RAP1GAP2: variants seen among roughly 807,000 people sequenced by gnomAD.
RAP1GAP2 encodes the protein rap1 GTPase-activating protein 2.
RAP1GAP2 carries 27 observed loss-of-function variants against 95.0 expected under a neutral mutation model. The observed-to-expected ratio is 0.28, with a 90% CI of 0.21 to 0.39. RAP1GAP2 has a LOEUF of 0.39. RAP1GAP2 is among the 10% of genes least tolerant of loss of function. The pLI is 1.00. For synonymous variants in RAP1GAP2, 373 were observed against 380.9 expected (o/e 0.98, Z 0.24); for missense variants, 771 against 970.0 (o/e 0.79, Z 2.72).
intron 3 of RAP1GAP2, among the ~76,000 whole-genome samples, chr17:2,957,153 A>AT (rs397954937): frequency 1.3e-5 from 2 of 150,730 alleles, no homozygotes; most frequent in African/African-American, 4.9e-5. Context: ...GAAAAAAAAA[A>AT]TCCCTCTAGG....
At chr17:2,876,585 A>T (rs914125196) in intron 2 of RAP1GAP2, among the ~76,000 whole-genome samples, 1 of 152,198 alleles carries the variant, frequency 6.6e-6, no homozygotes, top group African/African-American at 2.4e-5. Context: ...GCAGCCGTGG[A>T]GACCAAGGTT....
intron 4 of RAP1GAP2, among the ~76,000 whole-genome samples, chr17:2,959,649 A>T (rs1253944133): frequency 6.6e-6 from 1 of 152,216 alleles, no homozygotes; most frequent in Non-Finnish European, 1.5e-5. Flanking sequence ...TGAAACTGGA[A>T]TCCGGGATTC....
chr17:2,846,783 C>T (rs1384835481), intron 2 of RAP1GAP2, among the ~76,000 whole-genome samples: 3 of 152,132 alleles, frequency 2.0e-5, no homozygotes, highest in Non-Finnish European at 2.9e-5. Context: ...GGATTCTAAC[C>T]CAGGTTCGTC....
chr17:2,760,234 AGT>A (rs1335589866), intron 1 of RAP1GAP2, among the ~76,000 whole-genome samples: 1 of 127,870 alleles, frequency 7.8e-6, no homozygotes, highest in Non-Finnish European at 1.6e-5. Flanking sequence ...CGGAGCTTGC[AGT>A]GAGTTGAGAT....
Position 2,866,225 on chromosome 17 carries a change from T to TA in RAP1GAP2, c.81-39052dup, listed in dbSNP as rs533740882. Among the ~76,000 whole-genome samples the TA allele has an allele frequency of 1.7e-3, 252 of 152,232 alleles. No individual in the cohort carries two copies. The highest frequency in any genetic ancestry group is 5.8e-3 in the African/African-American group (241 of 41,544). Reference sequence around the variant, plus strand: ...GACAGTGGAAGACAAGGGGCCAAGATAAAAAAACAGGGGCCCGCTCAGATC... The same window carrying TA: ...GACAGTGGAAGACAAGGGGCCAAGATAAAAAAAACAGGGGCCCGCTCAGATC... On this transcript the variant is annotated intron_variant, in intron 2 of 24. Transcript: ENST00000254695. The surrounding 1 kb of genome is among the most constrained non-coding windows in gnomAD (Gnocchi z 4.0).
rs917110642 is a variant in RAP1GAP2 at position 2,871,930 on chromosome 17, A to G, written c.81-33354A>G. 6.6e-6 allele frequency among the ~76,000 whole-genome samples: 1 copy of G among 152,150 alleles called. No homozygotes were observed. The highest frequency in any genetic ancestry group is 1.5e-5 in the Non-Finnish European group (1 of 68,024). ...TCATACCATGGACTAACTACTTAAA[A>G]TAGAATGATGAGGCCAGGCGTGGTG... On this transcript the variant is annotated intron_variant, in intron 2 of 24. Coordinates refer to ENST00000254695, the MANE Select transcript of RAP1GAP2 (RefSeq NM_015085.5). This position sits in a 1 kb window ranked among gnomAD's most constrained non-coding sequence, Gnocchi z 5.0.
Position 2,778,434 on chromosome 17 carries a change from C to T in RAP1GAP2, c.-14+1156C>T, listed in dbSNP as rs76795141. ...CTGGTCTAAGTGGGACTGCTCAGCT[C>T]AGCATGTTGAGGCAATTTGGTGGGA... On this transcript the variant is annotated intron_variant, in intron 1 of 24. Transcript: ENST00000540393. Among the ~76,000 whole-genome samples, 1,000 of 152,220 alleles carry T rather than the reference C, an allele frequency of 6.6e-3. 9 individuals carry two copies. Among genetic ancestry groups the T allele is most frequent in the African/African-American group, 0.022 (920 of 41,532 alleles).
intron 17 of RAP1GAP2, among the ~76,000 whole-genome samples, 180 bp from the exon 18 acceptor site, chr17:3,017,881 T>C (rs1263247922): frequency 6.6e-6 from 1 of 152,108 alleles, no homozygotes; most frequent in Non-Finnish European, 1.5e-5. Flanking sequence ...AAACATCCTC[T>C]GTAAGCTGGA....
intron 2 of RAP1GAP2, among the ~76,000 whole-genome samples, chr17:2,860,466 C>G (rs1329480601): frequency 6.6e-6 from 1 of 152,016 alleles, no homozygotes; most frequent in Non-Finnish European, 1.5e-5. Flanking sequence ...CCTGCTTGGT[C>G]TCCTGGCTTC....
intron 2 of RAP1GAP2, among the ~76,000 whole-genome samples, chr17:2,905,008 A>G (rs1473096121): frequency 6.6e-6 from 1 of 152,002 alleles, no homozygotes; most frequent in African/African-American, 2.4e-5. Flanking sequence ...CAGTCTCTCT[A>G]GTAGCTGGGA....
chr17:3,010,080 G>A (rs943895633), intron 17 of RAP1GAP2, among the ~76,000 whole-genome samples: 10 of 152,166 alleles, frequency 6.6e-5, no homozygotes, highest in African/African-American at 2.2e-4. Flanking sequence ...CGTGCCTCAC[G>A]CCTGTAATCC....
chr17:3,009,593 G>A (rs2046445915), intron 17 of RAP1GAP2, among the ~76,000 whole-genome samples: 1 of 152,172 alleles, frequency 6.6e-6, no homozygotes, highest in Non-Finnish European at 1.5e-5. Flanking sequence ...CAGGCCTGGG[G>A]TCAGTCCCCC....
chr17:2,786,309 C>G (rs1480935346), intron 1 of RAP1GAP2, among the ~76,000 whole-genome samples: 1 of 152,248 alleles, frequency 6.6e-6, no homozygotes, highest in Non-Finnish European at 1.5e-5. Flanking sequence ...TGTTCTGACA[C>G]CAGGTGGTGG....
intron 3 of RAP1GAP2, among the ~76,000 whole-genome samples, chr17:2,945,933 G>T (rs2043683169): frequency 6.6e-6 from 1 of 151,994 alleles, no homozygotes; most frequent in South Asian, 2.1e-4. Flanking sequence ...GGGATTATAG[G>T]CACGTGCCAC....
intron 3 of RAP1GAP2, among the ~76,000 whole-genome samples, chr17:2,925,441 C>T (rs187490731): frequency 1.3e-5 from 2 of 152,180 alleles, no homozygotes; most frequent in African/African-American, 4.8e-5. Context: ...AAGAGAAGAG[C>T]GAAGGAGGAG....
rs188594719 is a variant in RAP1GAP2, at chr17:2,843,276, C to T, written c.80+42726C>T. Among the ~76,000 whole-genome samples the T allele has an allele frequency of 7.1e-3, 1,069 of 151,398 alleles. 22 individuals carry two copies. Among genetic ancestry groups the T allele is most frequent in the Non-Finnish European group, 6.7e-3 (457 of 67,816 alleles). On this transcript the variant is annotated intron_variant, in intron 2 of 24. Coordinates refer to ENST00000254695, the MANE Select transcript of RAP1GAP2 (RefSeq NM_015085.5). ...GGATAGGTCTATGGTGGAGAAACAA[C>T]TCAGTTAATTTCCCTTTTTTTTTTT...
intron 3 of RAP1GAP2, among the ~76,000 whole-genome samples, chr17:2,930,550 C>T (rs905301998): frequency 1.3e-5 from 2 of 152,230 alleles, no homozygotes; most frequent in African/African-American, 4.8e-5. Flanking sequence ...GCCTGGCCTG[C>T]AGCTTCAGCC....
rs536719290 is a variant in RAP1GAP2, at chr17:2,927,340, A to C, written c.165+21972A>C. On this transcript the variant is annotated intron_variant, in intron 3 of 24. Coordinates refer to ENST00000254695, the MANE Select transcript of RAP1GAP2 (RefSeq NM_015085.5). ...GGCTAATTTTTTGTATTTTTAGTAG[A>C]GACGGGGTTTCACCGTGTTAGCCAG... Among the ~76,000 whole-genome samples the C allele has an allele frequency of 3.1e-4, 47 of 151,026 alleles. 1 individual carries two copies. The highest frequency in any genetic ancestry group is 1.0e-4 in the Non-Finnish European group (7 of 67,814).
At chr17:2,977,032 G>T (rs901540306) in intron 8 of RAP1GAP2, among the ~76,000 whole-genome samples, 1 of 151,468 alleles carries the variant, frequency 6.6e-6, no homozygotes, top group South Asian at 2.1e-4. Flanking sequence ...AGCTACTCGG[G>T]AGGCGGAGGC....
Sources: allele counts gnomAD v4.1 joint callset (sites outside exome capture counted in the v4.1 genomes callset), GRCh38; gene constraint gnomAD v4.1.1; non-coding constraint Gnocchi (gnomAD v3.1); transcripts MANE v1.5; gene names NCBI Gene and HGNC (gene_info 2026-07-23, HGNC 2026-07-21).